The following TVP23C variants were observed in gnomAD, a reference collection of about 807,000 sequenced individuals.
TVP23C encodes trans-golgi network vesicle protein 23 homolog C.
Under a neutral mutation model 28.7 loss-of-function variants are expected in TVP23C, and 19 were observed. The observed-to-expected ratio is 0.66, with a 90% CI of 0.46 to 0.97. The LOEUF is 0.97. TVP23C is among the 50% of genes least tolerant of loss of function. The pLI is 0.00. For missense variants in TVP23C, 186 were observed against 241.3 expected (o/e 0.77, Z 1.52); for synonymous variants, 68 against 81.7 (o/e 0.83, Z 0.90).
At chr17:15,554,403 A>T (rs1018771465) in intron 2 of TVP23C, among the ~76,000 whole-genome samples, 14 of 151,640 alleles carry the variant, frequency 9.2e-5, no homozygotes, top group African/African-American at 3.4e-4. Context: ...ACGCCCGGCT[A>T]ATTTTTTGTA....
At chr17:15,503,071 G>T (rs1447324256) in exon 6 of TVP23C, 1 of 1,614,010 alleles carries the variant, frequency 6.2e-7, no homozygotes, top group East Asian at 2.2e-5. Context: ...CTCGATCCGT[G>T]ATCCTCGTGA....
At chr17:15,524,931 C>T (rs1332018164) in intron 5 of TVP23C, among the ~76,000 whole-genome samples, 2 of 152,342 alleles carry the variant, frequency 1.3e-5, no homozygotes, top group East Asian at 3.9e-4. Context: ...GCAGTGGCAG[C>T]CCTCCTCCTG....
At chr17:15,562,556 T>A (rs1371564174) in intron 1 of TVP23C, 1 of 152,120 alleles carries the variant, frequency 6.6e-6, no homozygotes, top group Non-Finnish European at 1.5e-5. Context: ...ACACCTTTCC[T>A]GTAATACAGC....
chr17:15,514,421 C>T (rs1982136193), intron 5 of TVP23C, among the ~76,000 whole-genome samples: 1 of 152,184 alleles, frequency 6.6e-6, no homozygotes, highest in Non-Finnish European at 1.5e-5. Flanking sequence ...GTTTGTAAGA[C>T]CTATATAGCT....
At chr17:15,517,715 C>G (rs193079011) in intron 5 of TVP23C, among the ~76,000 whole-genome samples, 2 of 152,238 alleles carry the variant, frequency 1.3e-5, no homozygotes, top group African/African-American at 2.4e-5. Flanking sequence ...TGTTGCCATC[C>G]CACCCTAAAC....
intron 5 of TVP23C, among the ~76,000 whole-genome samples, chr17:15,530,470 CTTTTATAAGT>C (rs1982907486): frequency 6.6e-6 from 1 of 152,120 alleles, no homozygotes; most frequent in Non-Finnish European, 1.5e-5. Context: ...CAAATTGCAT[CTTTTATAAGT>C]TATAACCCTA....
intron 5 of TVP23C, chr17:15,503,261 G>A (rs1567627747): frequency 2.1e-6 from 3 of 1,458,422 alleles, no homozygotes. Context: ...AAATAAATTA[G>A]CCAGGTGTAG....
rs1473085125 is a variant in TVP23C at position 15,560,468 on chromosome 17, T to C, written c.12+2969A>G. Among the ~76,000 whole-genome samples, 5 of 149,528 alleles carry C rather than the reference T, an allele frequency of 3.3e-5. 1 individual carries two copies. Among genetic ancestry groups the C allele is most frequent in the Admixed American group, 2.7e-4 (4 of 14,826 alleles). Reference sequence around the variant, plus strand: ...TGACTAGAATGAATACAAGAGAGACTGGAAGAATTAAAAGACAAGTATATA... The same window carrying C: ...TGACTAGAATGAATACAAGAGAGACCGGAAGAATTAAAAGACAAGTATATA... On this transcript the variant is annotated intron_variant, in intron 1 of 5. Transcript: ENST00000518321.
At chr17:15,549,565 G>A (rs1055250509) in intron 3 of TVP23C, among the ~76,000 whole-genome samples, 4 of 152,050 alleles carry the variant, frequency 2.6e-5, no homozygotes, top group African/African-American at 9.7e-5. Flanking sequence ...TGTAGTCTCA[G>A]CTATCTAGGA....
chr17:15,533,452 G>T (rs371319668), downstream of TVP23C, among the ~76,000 whole-genome samples: 5 of 152,310 alleles, frequency 3.3e-5, no homozygotes, highest in East Asian at 7.7e-4. Flanking sequence ...TCTTGGTTAC[G>T]TACTGAACAA....
chr17:15,555,734 C>T (rs917857511), intron 1 of TVP23C, among the ~76,000 whole-genome samples: 3 of 152,066 alleles, frequency 2.0e-5, no homozygotes, highest in African/African-American at 7.2e-5. Context: ...GGCTCCTTCA[C>T]AAAATCATCT....
chr17:15,507,853 A>T (rs1981833101), intron 5 of TVP23C, among the ~76,000 whole-genome samples: 1 of 152,160 alleles, frequency 6.6e-6, no homozygotes, highest in South Asian at 2.1e-4. Context: ...AAAAGAAAAG[A>T]AAAAACTAAA....
chr17:15,545,442 C>T (rs1400959631), intron 5 of TVP23C, among the ~76,000 whole-genome samples: 21 of 152,284 alleles, frequency 1.4e-4, no homozygotes, highest in Non-Finnish European at 3.1e-4. Flanking sequence ...TCCCAAGATC[C>T]TGACCCATAG....
At chr17:15,551,509 T>A (rs1443194301) in intron 3 of TVP23C, among the ~76,000 whole-genome samples, 1 of 152,132 alleles carries the variant, frequency 6.6e-6, no homozygotes, top group African/African-American at 2.4e-5. Context: ...CATTTAAGCA[T>A]ACCTTTAAAT....
chr17:15,556,448 G>C (rs1984136656), intron 1 of TVP23C, among the ~76,000 whole-genome samples: 1 of 147,688 alleles, frequency 6.8e-6, no homozygotes, highest in South Asian at 2.2e-4. Context: ...TGCAACCTCT[G>C]CCTCCTGGGT....
chr17:15,511,103 G>A (rs1282208694), intron 5 of TVP23C, among the ~76,000 whole-genome samples: 1 of 150,098 alleles, frequency 6.7e-6, no homozygotes, highest in African/African-American at 2.4e-5. Flanking sequence ...GCCACCCACA[G>A]GTCATGGGAC....
At chr17:15,519,116 C>A (rs888515787) in intron 5 of TVP23C, among the ~76,000 whole-genome samples, 3 of 152,136 alleles carry the variant, frequency 2.0e-5, no homozygotes, top group Non-Finnish European at 4.4e-5. Flanking sequence ...GTCCACTACA[C>A]CGCTTCTTTT....
intron 5 of TVP23C, among the ~76,000 whole-genome samples, chr17:15,508,879 C>T (rs1447134334): frequency 6.6e-6 from 1 of 152,152 alleles, no homozygotes; most frequent in African/African-American, 2.4e-5. Context: ...TAGACAGCAC[C>T]CTGGTAAACT....
chr17:15,502,709 TTCTCTCTCTCC>T (rs1981503506), exon 6 of TVP23C: 2 of 1,199,326 alleles, frequency 1.7e-6, no homozygotes, highest in Non-Finnish European at 2.2e-6. Flanking sequence ...CGTTCGTTCT[TTCTCTCTCTCC>T]TCTCTCTCTC....
Sources: gnomAD v4.1 joint callset for allele counts (sites outside exome capture counted in the v4.1 genomes callset) on GRCh38, gnomAD v4.1.1 for gene constraint, MANE v1.5 for transcripts, NCBI Gene and HGNC (gene_info 2026-07-23, HGNC 2026-07-21) for gene names.